The following GRM8 variants were observed in gnomAD, a reference collection of about 807,000 sequenced individuals.
The protein encoded by GRM8 is metabotropic glutamate receptor 8.
A neutral mutation model predicts 87.2 loss-of-function variants in GRM8; 47 were observed. That is an observed-to-expected ratio of 0.54 (90% confidence interval 0.43 to 0.69). The LOEUF (loss-of-function observed/expected upper bound fraction) is 0.69, where lower values mean the gene tolerates loss of function less well. Ranked by LOEUF, GRM8 falls within the 30% of genes least tolerant of loss-of-function variation. The pLI is 0.00. For synonymous variants in GRM8, 396 were observed against 404.5 expected (o/e 0.98, Z 0.25); for missense variants, 1,019 against 1,139.2 (o/e 0.89, Z 1.52).
chr7:126,523,590 C>T (rs1041269632), intron 9 of GRM8, among the ~76,000 whole-genome samples: 1 of 151,874 alleles, frequency 6.6e-6, no homozygotes, highest in African/African-American at 2.4e-5. Context: ...CTCCATCTCC[C>T]AGGTTCAAGT....
At chr7:126,453,785 A>T (rs1288698891) in intron 9 of GRM8, among the ~76,000 whole-genome samples, 2 of 151,842 alleles carry the variant, frequency 1.3e-5, no homozygotes, top group Non-Finnish European at 2.9e-5. Context: ...TGTGGTCTTT[A>T]ATTTTCAATT....
At chr7:126,791,808 C>T (rs1250200778) in intron 6 of GRM8, among the ~76,000 whole-genome samples, 4 of 152,186 alleles carry the variant, frequency 2.6e-5, no homozygotes, top group Middle Eastern at 3.4e-3. Context: ...TTTAATCAGG[C>T]TATTAATCTC....
chr7:126,810,414 C>A (rs1161006663), intron 6 of GRM8, among the ~76,000 whole-genome samples: 1 of 152,162 alleles, frequency 6.6e-6, no homozygotes, highest in Non-Finnish European at 1.5e-5. Context: ...AAACACACTG[C>A]TTACTATAAC....
intron 8 of GRM8, 81 bp from the exon 9 acceptor site, chr7:126,533,968 A>G: frequency 1.0e-6 from 1 of 987,670 alleles, no homozygotes; most frequent in Non-Finnish European, 1.5e-6. Flanking sequence ...TTTGTAATGA[A>G]TCACAGAATG....
chr7:127,021,779 A>G (rs1171677547), intron 3 of GRM8, among the ~76,000 whole-genome samples: 1 of 152,124 alleles, frequency 6.6e-6, no homozygotes, highest in Non-Finnish European at 1.5e-5. Flanking sequence ...ATAGTTATTA[A>G]GTTTGTTAGA....
intron 7 of GRM8, among the ~76,000 whole-genome samples, chr7:126,756,056 C>G (rs1180877187): frequency 6.6e-6 from 1 of 151,822 alleles, no homozygotes; most frequent in Admixed American, 6.6e-5. Flanking sequence ...ATGATACATA[C>G]ACACACAATT....
chr7:127,246,581 A>T (rs903442582), intron 1 of GRM8, among the ~76,000 whole-genome samples: 17 of 151,450 alleles, frequency 1.1e-4, no homozygotes, highest in African/African-American at 3.4e-4. Context: ...CTTCCTGTGC[A>T]CTCCCCCGCC....
chr7:127,046,303 C>T (rs548368291), intron 3 of GRM8, among the ~76,000 whole-genome samples: 1 of 151,756 alleles, frequency 6.6e-6, no homozygotes, highest in African/African-American at 2.4e-5. Flanking sequence ...ACCCGGGAGG[C>T]GGAGCTTGCA....
intron 3 of GRM8, among the ~76,000 whole-genome samples, chr7:126,962,744 T>C (rs771649378): frequency 6.6e-6 from 1 of 152,208 alleles, no homozygotes; most frequent in African/African-American, 2.4e-5. Flanking sequence ...TTGCCCACCA[T>C]GATAACATGA....
rs1345919650 is a variant in GRM8 at position 127,161,377 on chromosome 7, A to G, written c.511-54665T>C. On this transcript the variant is annotated intron_variant, in intron 2 of 10. Transcript: ENST00000339582. ...GCTCTACTGGAACAGCTGGAGAGAT[A>G]GAATCTTTCTTCCAGTCCTAGATTT... 3.3e-5 allele frequency among the ~76,000 whole-genome samples: 5 copies of G among 152,258 alleles called. No homozygotes were observed. The East Asian group carries it at 9.7e-4, about 29-fold the overall frequency.
intron 3 of GRM8, chr7:127,105,406 T>C (rs1825712768): frequency 6.6e-6 from 1 of 152,216 alleles, no homozygotes; most frequent in Non-Finnish European, 1.5e-5. Flanking sequence ...ATGTTAAAGA[T>C]ACTAAATATT....
At chr7:127,115,681 A>G (rs937641373) in intron 2 of GRM8, among the ~76,000 whole-genome samples, 7 of 152,148 alleles carry the variant, frequency 4.6e-5, no homozygotes, top group African/African-American at 1.7e-4. Flanking sequence ...TGCTAATTAC[A>G]TTTTACAATA....
chr7:126,636,177 T>C (rs527263699), intron 7 of GRM8, among the ~76,000 whole-genome samples: 1 of 152,266 alleles, frequency 6.6e-6, no homozygotes, highest in South Asian at 2.1e-4. Flanking sequence ...AGTTTATAGA[T>C]GCATTTACCT....
At chr7:126,707,144 T>TG (rs1810610647) in intron 7 of GRM8, among the ~76,000 whole-genome samples, 1 of 152,096 alleles carries the variant, frequency 6.6e-6, no homozygotes, top group Non-Finnish European at 1.5e-5. Context: ...TCTCTATTTT[T>TG]TTTTAAATGT....
intron 3 of GRM8, among the ~76,000 whole-genome samples, chr7:126,933,286 G>T (rs1238358967): frequency 1.3e-5 from 2 of 152,222 alleles, no homozygotes; most frequent in Non-Finnish European, 2.9e-5. Flanking sequence ...CCTTTAGGTT[G>T]TACAGTCAGG....
At chr7:126,954,098 G>A (rs900882214) in intron 3 of GRM8, among the ~76,000 whole-genome samples, 1 of 152,052 alleles carries the variant, frequency 6.6e-6, no homozygotes, top group Admixed American at 6.5e-5. Flanking sequence ...CTTCTTCCCT[G>A]CCTCTACTTC....
intron 2 of GRM8, among the ~76,000 whole-genome samples, chr7:127,226,149 T>C (rs1299922425): frequency 6.6e-6 from 1 of 152,166 alleles, no homozygotes; most frequent in South Asian, 2.1e-4. Flanking sequence ...CTTTGATTCA[T>C]TGTCTCTTTT....
chr7:127,082,522 G>A (rs1822978059), intron 3 of GRM8, among the ~76,000 whole-genome samples: 1 of 152,114 alleles, frequency 6.6e-6, no homozygotes, highest in African/African-American at 2.4e-5. Flanking sequence ...AATTCGACCA[G>A]TCAATGAATA....
chr7:126,933,750 G>A (rs1296946219), intron 3 of GRM8, among the ~76,000 whole-genome samples: 2 of 152,268 alleles, frequency 1.3e-5, no homozygotes, highest in South Asian at 2.1e-4. Flanking sequence ...AAAGGATGCA[G>A]AAAAATGTCT....
Sources: gnomAD v4.1 joint callset for allele counts (sites outside exome capture counted in the v4.1 genomes callset) on GRCh38, gnomAD v4.1.1 for gene constraint, MANE v1.5 for transcripts, NCBI Gene and HGNC (gene_info 2026-07-23, HGNC 2026-07-21) for gene names.